KLHL1: variants seen among roughly 807,000 people sequenced by gnomAD.
KLHL1 encodes kelch-like protein 1.
A neutral mutation model predicts 77.7 loss-of-function variants in KLHL1; 47 were observed. The ratio of observed to expected loss-of-function variants is 0.60; its 90% CI spans 0.48 to 0.77. The LOEUF is 0.77. Ranked by LOEUF, KLHL1 falls within the 30% of genes least tolerant of loss-of-function variation. KLHL1 has a pLI of 0.00. For synonymous variants in KLHL1, 360 were observed against 325.2 expected, an observed-to-expected ratio of 1.11 and a Z score of -1.15; for missense variants, 925 against 910.8, an observed-to-expected ratio of 1.02 and a Z score of -0.20.
chr13:69,903,469 G>C (rs1406014121), intron 4 of KLHL1, among the ~76,000 whole-genome samples: 2 of 143,120 alleles, frequency 1.4e-5, no homozygotes, highest in African/African-American at 5.3e-5. Context: ...ATTGAAATCT[G>C]AGTGAGAACT....
chr13:69,882,429 G>C lies in KLHL1; in HGVS notation c.1081C>G (p.Leu361Val). ...LLLPAEELHKLLASDDVNVPD... is the reference protein window; with the variant it reads ...LLLPAEELHKVLASDDVNVPD... The stretch of plus-strand genomic sequence containing the variant: ...ACATTGACATCATCACTGGCCAGTA[G>C]TTTATGGAGCTCCTCAGCTGGAAGG... The change falls in exon 5 of 11, where the codon CTA (leucine) becomes GTA (valine). Residue 361 changes from leucine (L) to valine (V), a missense_variant. Physicochemically the swap from Leu to Val is conservative, Grantham distance 32. Transcript: ENST00000377844. The C allele has an allele frequency of 6.2e-7, 1 of 1,613,898 alleles. No individual in the cohort carries two copies. The highest frequency in any genetic ancestry group is 8.5e-7 in the Non-Finnish European group (1 of 1,179,792).
intron 1 of KLHL1, among the ~76,000 whole-genome samples, chr13:70,026,028 C>T (rs1885932315): frequency 6.6e-6 from 1 of 152,064 alleles, no homozygotes; most frequent in African/African-American, 2.4e-5. Flanking sequence ...ATCCAATATG[C>T]CCTGCTCACT....
intron 4 of KLHL1, among the ~76,000 whole-genome samples, chr13:69,891,265 G>A (rs1881418134): frequency 6.6e-6 from 1 of 152,012 alleles, no homozygotes; most frequent in Non-Finnish European, 1.5e-5. Flanking sequence ...CCACTAAGTG[G>A]TAGCTCCCTA....
chr13:70,091,670 CAT>C (rs757138653), intron 1 of KLHL1, among the ~76,000 whole-genome samples: 2 of 152,132 alleles, frequency 1.3e-5, no homozygotes, highest in African/African-American at 2.4e-5. Flanking sequence ...ATCAATTTTA[CAT>C]GTTAGAACCT....
intron 8 of KLHL1, among the ~76,000 whole-genome samples, chr13:69,730,267 ATGTG>A (rs56271435): frequency 0.3 from 43,625 of 143,724 alleles, 6,381 homozygotes; most frequent in Non-Finnish European, 0.33. Flanking sequence ...TAACACTTTA[ATGTG>A]TGTGTGTGTG....
At chr13:69,796,555 G>A (rs961987558) in intron 7 of KLHL1, among the ~76,000 whole-genome samples, 183 bp downstream of exon 7, 1 of 152,098 alleles carries the variant, frequency 6.6e-6, no homozygotes, top group Non-Finnish European at 1.5e-5. Context: ...TTCACTAAAG[G>A]CCTAATATTC....
Position 70,053,196 on chromosome 13 carries a change from A to ATTTT in KLHL1, c.497+54006_497+54007insAAAA, listed in dbSNP as rs1886669800. Among the ~76,000 whole-genome samples, 3 of 152,228 alleles carry ATTTT rather than the reference A, an allele frequency of 2.0e-5. No homozygotes were observed. The South Asian group carries it at 6.2e-4, about 32-fold the overall frequency. ...AGATATAGGGTCAAGAAAACACAAAATATAGTAGATTTTATGAATAGAACA... is the reference window on the plus strand; with the variant it reads ...AGATATAGGGTCAAGAAAACACAAAATTTTTATAGTAGATTTTATGAATAGAACA... On this transcript the variant is annotated intron_variant, in intron 1 of 10. Transcript: ENST00000377844.
In KLHL1 at chr13:69,701,407, G is replaced by A. The variant is rs760309987; in HGVS notation, c.*295C>T. 3 of 255,566 alleles carry A rather than the reference G, an allele frequency of 1.2e-5. No individual in the cohort carries two copies. The highest frequency in any genetic ancestry group is 2.2e-5 in the Non-Finnish European group (3 of 135,672). 15.8% of individuals were successfully genotyped at this position (255,566 alleles called of 1,614,324 possible). ...TTGGTCTCTCCTTTCAACTGCTCAA[G>A]AAAAAACAAGCCTTTGGTAACTCTA... is the stretch of plus-strand genomic sequence containing the variant. On this transcript the variant is annotated 3_prime_UTR_variant, in exon 11 of 11. Coordinates refer to ENST00000377844, the MANE Select transcript of KLHL1 (RefSeq NM_020866.3).
At chr13:69,947,618 T>C (rs1352036970) in intron 3 of KLHL1, among the ~76,000 whole-genome samples, 3 of 152,148 alleles carry the variant, frequency 2.0e-5, no homozygotes, top group Non-Finnish European at 4.4e-5. Context: ...TATTTATTGC[T>C]AGCTTTGGAG....
intron 1 of KLHL1, among the ~76,000 whole-genome samples, chr13:70,078,830 C>T (rs923090657): frequency 6.6e-6 from 1 of 152,044 alleles, no homozygotes; most frequent in African/African-American, 2.4e-5. Flanking sequence ...TACAAAGTGA[C>T]TTAATATACT....
At chr13:69,782,179 T>C (rs1254181116) in intron 7 of KLHL1, among the ~76,000 whole-genome samples, 1 of 152,142 alleles carries the variant, frequency 6.6e-6, no homozygotes, top group Non-Finnish European at 1.5e-5. Flanking sequence ...TAGTATTGGC[T>C]GGGGAGTCAA....
intron 7 of KLHL1, among the ~76,000 whole-genome samples, chr13:69,772,363 T>C (rs2137985076): frequency 6.6e-6 from 1 of 151,876 alleles, no homozygotes; most frequent in Admixed American, 6.5e-5. Context: ...GCAAATTTTT[T>C]CTCATTTTTG....
At chr13:70,098,397 A>G (rs1263272247) in intron 1 of KLHL1, among the ~76,000 whole-genome samples, 3 of 151,870 alleles carry the variant, frequency 2.0e-5, no homozygotes, top group Non-Finnish European at 4.4e-5. Flanking sequence ...AACAGCAAAA[A>G]TTTATTTGAA....
In KLHL1 at chr13:70,107,992, C is replaced by T. The variant is rs1888118726; in HGVS notation, c.-293G>A. ...GCCAAAAGCTGAGAATCCTCGATGC[C>T]CGCGCGAGAGCCCCGTGTTATGGCG... On this transcript the variant is annotated 5_prime_UTR_variant, in exon 1 of 11. Coordinates refer to ENST00000377844, the MANE Select transcript of KLHL1 (RefSeq NM_020866.3). 6.7e-6 allele frequency: 3 copies of T among 444,840 alleles called. No individual in the cohort carries two copies. The highest frequency in any genetic ancestry group is 7.9e-6 in the Non-Finnish European group (2 of 253,198). 27.6% of individuals were successfully genotyped at this position (444,840 alleles called of 1,614,324 possible).
At chr13:69,877,228 AT>A (rs1880803884) in intron 5 of KLHL1, among the ~76,000 whole-genome samples, 1 of 152,192 alleles carries the variant, frequency 6.6e-6, no homozygotes, top group African/African-American at 2.4e-5. Context: ...TCATTAGAAA[AT>A]AATATAGCAA....
chr13:70,036,813 G>A (rs1886248832), intron 1 of KLHL1, among the ~76,000 whole-genome samples: 1 of 135,958 alleles, frequency 7.4e-6, no homozygotes, highest in Non-Finnish European at 1.6e-5. Flanking sequence ...GCCCAACTTG[G>A]GTTTGATTTT....
At chr13:69,790,940 T>C (rs1281404004) in intron 7 of KLHL1, among the ~76,000 whole-genome samples, 1 of 151,990 alleles carries the variant, frequency 6.6e-6, no homozygotes, top group African/African-American at 2.4e-5. Context: ...ATAAGGGACC[T>C]TTCTCAGCCT....
intron 4 of KLHL1, among the ~76,000 whole-genome samples, chr13:69,921,705 A>AT (rs556461723): frequency 1.7e-3 from 253 of 152,180 alleles, no homozygotes; most frequent in Middle Eastern, 3.4e-3. Context: ...TCAAAACAAT[A>AT]TTTTTTCAAA....
At chr13:70,067,470 T>C (rs1887034996) in intron 1 of KLHL1, among the ~76,000 whole-genome samples, 1 of 152,018 alleles carries the variant, frequency 6.6e-6, no homozygotes, top group Non-Finnish European at 1.5e-5. Context: ...ACTTGGACCT[T>C]GTATGGGGAA....
Sources: gnomAD v4.1 joint callset for allele counts (sites outside exome capture counted in the v4.1 genomes callset) on GRCh38, gnomAD v4.1.1 for gene constraint, MANE v1.5 for transcripts, NCBI Gene and HGNC (gene_info 2026-07-23, HGNC 2026-07-21) for gene names.